Variants in C10orf143 observed in about 807,000 individuals in gnomAD.
C10orf143 encodes uncharacterized protein C10orf143.
At chr10:130,068,359 C>T (rs1046777298) in intron 3 of C10orf143, 1 of 152,234 alleles carries the variant, frequency 6.6e-6, no homozygotes, top group Non-Finnish European at 1.5e-5. Flanking sequence ...CGCCTGTAAT[C>T]CCAGCACTTT....
downstream of C10orf143, among the ~76,000 whole-genome samples, chr10:130,060,581 T>C (rs913704739): frequency 6.9e-6 from 1 of 144,638 alleles, no homozygotes; most frequent in Non-Finnish European, 1.5e-5. Context: ...CCCAGCACTT[T>C]GGGAGGCCAA....
At chr10:130,042,356 A>T in intron 3 of C10orf143, among the ~76,000 whole-genome samples, 1 of 152,248 alleles carries the variant, frequency 6.6e-6, no homozygotes, top group East Asian at 1.9e-4. Context: ...AATTTGATTA[A>T]ACTTACATTC....
intron 1 of C10orf143, among the ~76,000 whole-genome samples, chr10:130,094,859 A>T (rs779943153): frequency 1.1e-4 from 17 of 152,188 alleles, no homozygotes; most frequent in Non-Finnish European, 2.5e-4. Flanking sequence ...TCAACATAGT[A>T]TTGGAAGTTC....
chr10:130,101,682 T>A (rs1268885582), intron 1 of C10orf143, among the ~76,000 whole-genome samples: 1 of 151,130 alleles, frequency 6.6e-6, no homozygotes. Context: ...CTGGCCAACA[T>A]GGTGAAATCC....
chr10:130,101,863 ACC>A (rs141388238), intron 1 of C10orf143, among the ~76,000 whole-genome samples: 10,857 of 31,990 alleles, frequency 0.34, 2,930 homozygotes, highest in East Asian at 0.45. Flanking sequence ...AAAAAAAAAA[ACC>A]AAAAAAAAAA....
At chr10:130,046,061 G>A (rs1292365198) in intron 3 of C10orf143, among the ~76,000 whole-genome samples, 2 of 151,456 alleles carry the variant, frequency 1.3e-5, no homozygotes, top group South Asian at 2.1e-4. Context: ...CAGGGCAGAC[G>A]GAACGTGGAA....
chr10:130,089,032 C>T (rs1263577423), intron 1 of C10orf143, among the ~76,000 whole-genome samples: 4 of 152,162 alleles, frequency 2.6e-5, no homozygotes. Context: ...TCAGTCCACA[C>T]TCTTGACCAA....
chr10:130,093,106 A>G (rs1473754261), intron 1 of C10orf143, among the ~76,000 whole-genome samples: 1 of 152,226 alleles, frequency 6.6e-6, no homozygotes, highest in Non-Finnish European at 1.5e-5. Flanking sequence ...CCAAATCAGC[A>G]GAATACACAT....
intron 1 of C10orf143, among the ~76,000 whole-genome samples, chr10:130,082,721 T>G (rs1334752548): frequency 1.3e-5 from 2 of 152,220 alleles, no homozygotes; most frequent in Non-Finnish European, 2.9e-5. Context: ...CAGTATGTCT[T>G]TATCAGCAGC....
chr10:130,105,780 C>A (rs1861632197), intron 1 of C10orf143, among the ~76,000 whole-genome samples: 1 of 152,188 alleles, frequency 6.6e-6, no homozygotes, highest in Non-Finnish European at 1.5e-5. Context: ...CACCTCCCCA[C>A]GGCTGCCTGG....
chr10:130,045,788 C>A (rs570222433), intron 3 of C10orf143, among the ~76,000 whole-genome samples: 23 of 152,320 alleles, frequency 1.5e-4, no homozygotes, highest in African/African-American at 5.3e-4. Context: ...CGACTCGAGG[C>A]TCAGCTAAGG....
intron 4 of C10orf143, among the ~76,000 whole-genome samples, chr10:130,035,365 CT>C (rs1299461212): frequency 2.0e-5 from 3 of 152,188 alleles, no homozygotes; most frequent in Non-Finnish European, 4.4e-5. Context: ...CTCATTTAAC[CT>C]TTGTTACTTT....
At chr10:130,099,923 C>T (rs532976032) in intron 1 of C10orf143, among the ~76,000 whole-genome samples, 103 of 149,918 alleles carry the variant, frequency 6.9e-4, no homozygotes, top group African/African-American at 2.1e-3. Context: ...CTGCAACCTC[C>T]GCCTCCCAGG....
chr10:130,061,867 A>G (rs1860860880), downstream of C10orf143, among the ~76,000 whole-genome samples: 1 of 152,168 alleles, frequency 6.6e-6, no homozygotes, highest in South Asian at 2.1e-4. Flanking sequence ...AGGTAATCCC[A>G]GCAGGAGGCG....
chr10:130,036,944 G>C (rs912929606), intron 3 of C10orf143, among the ~76,000 whole-genome samples: 3 of 152,162 alleles, frequency 2.0e-5, no homozygotes, highest in African/African-American at 7.2e-5. Flanking sequence ...TGTACCAGCA[G>C]GTACAGGCAC....
chr10:130,082,015 C>T lies in C10orf143; in HGVS notation c.70-2114G>A, dbSNP rs149656707. 1.5e-3 allele frequency among the ~76,000 whole-genome samples: 231 copies of T among 151,632 alleles called. 1 individual carries two copies. The highest frequency in any genetic ancestry group is 6.8e-3 in the Middle Eastern group (2 of 294). Reference sequence around the variant, plus strand: ...GAAAAAATAAAACAACTCCTGGACACGAAAACAAACCATAGACACTCCATA... The same window carrying T: ...GAAAAAATAAAACAACTCCTGGACATGAAAACAAACCATAGACACTCCATA... On this transcript the variant is annotated intron_variant, in intron 1 of 3. Transcript: ENST00000637128.
intron 3 of C10orf143, among the ~76,000 whole-genome samples, chr10:130,049,473 C>A (rs1012817558): frequency 6.6e-6 from 1 of 152,230 alleles, no homozygotes; most frequent in African/African-American, 2.4e-5. Context: ...ACCGGGCAGC[C>A]CCTGGGCCAG....
intron 3 of C10orf143, among the ~76,000 whole-genome samples, chr10:130,078,165 A>AT (rs1470198361): frequency 6.6e-6 from 1 of 152,236 alleles, no homozygotes; most frequent in East Asian, 1.9e-4. Flanking sequence ...TTCAAACAGA[A>AT]TATTAGCCAA....
At chr10:130,106,966 A>G (rs775424059) in intron 1 of C10orf143, 3 of 1,028,258 alleles carry the variant, frequency 2.9e-6, no homozygotes, top group Non-Finnish European at 4.6e-6. Context: ...ATGATCCTCT[A>G]AAAGGAGCTC....
Sources: allele counts gnomAD v4.1 joint callset (sites outside exome capture counted in the v4.1 genomes callset), GRCh38; gene constraint gnomAD v4.1.1; transcripts MANE v1.5; gene names NCBI Gene and HGNC (gene_info 2026-07-23, HGNC 2026-07-21).